Variants in KCNMA1 observed in about 807,000 individuals in gnomAD.
The protein encoded by KCNMA1 is potassium calcium-activated channel subfamily M alpha 1, also known as Calcium-activated potassium channel subunit alpha-1.
Under a neutral mutation model 140.0 loss-of-function variants are expected in KCNMA1, and 29 were observed. The ratio of observed to expected loss-of-function variants is 0.21; its 90% confidence interval spans 0.15 to 0.28. KCNMA1 has a LOEUF of 0.28. Among genes scored for constraint, KCNMA1 ranks in the 10% least tolerant of loss-of-function variants. KCNMA1 has a pLI of 1.00. For missense variants in KCNMA1, 880 were observed against 1,602.2 expected, an observed-to-expected ratio of 0.55 and a Z score of 7.70; for synonymous variants, 612 against 611.9, an observed-to-expected ratio of 1.00 and a Z score of 0.00.
At chr10:77,348,659 C>A (rs2092502914) in intron 2 of KCNMA1, among the ~76,000 whole-genome samples, 1 of 152,174 alleles carries the variant, frequency 6.6e-6, no homozygotes, top group Admixed American at 6.5e-5. Context: ...CCCACAGGAT[C>A]CAGAAATATA....
At chr10:77,474,933 C>T (rs551445284) in intron 1 of KCNMA1, among the ~76,000 whole-genome samples, 1 of 152,220 alleles carries the variant, frequency 6.6e-6, no homozygotes, top group Non-Finnish European at 1.5e-5. Flanking sequence ...CAATTTTGCC[C>T]CTGGGTAGCA....
intron 2 of KCNMA1, among the ~76,000 whole-genome samples, chr10:77,358,679 A>C (rs2093696548): frequency 6.6e-6 from 1 of 152,194 alleles, no homozygotes; most frequent in Non-Finnish European, 1.5e-5. Context: ...TCTCCAAAAC[A>C]AGTCCACAAA....
chr10:77,536,585 C>T (rs1040263050), intron 1 of KCNMA1, among the ~76,000 whole-genome samples: 18 of 152,118 alleles, frequency 1.2e-4, no homozygotes, highest in African/African-American at 4.3e-4. Context: ...TGACTGCCTC[C>T]CCCAGGTAGA....
chr10:77,380,826 C>T (rs984336159), intron 2 of KCNMA1, among the ~76,000 whole-genome samples: 1 of 152,222 alleles, frequency 6.6e-6, no homozygotes, highest in Non-Finnish European at 1.5e-5. Flanking sequence ...AATGATGCCC[C>T]AAGCATCCAG....
intron 2 of KCNMA1, among the ~76,000 whole-genome samples, chr10:77,287,155 T>C (rs921018183): frequency 6.6e-6 from 1 of 152,190 alleles, no homozygotes; most frequent in Admixed American, 6.5e-5. Context: ...GCATCAGGGT[T>C]TGCACTGCTC....
At position 77,108,657 on chromosome 10, in the gene KCNMA1, T is replaced by C; in HGVS notation, c.1132-85A>G. 1 of 984,066 alleles carries C rather than the reference T, an allele frequency of 1.0e-6. No homozygotes were observed. The highest frequency in any genetic ancestry group is 1.6e-6 in the Non-Finnish European group (1 of 617,572). 61.0% of individuals were successfully genotyped at this position (984,066 alleles called of 1,614,324 possible). ...TGTTCAGAGGGTGGGGGCACTAAGATCTGAAAACACAAAAGGATTAGGCCT... is the reference window on the plus strand; with the variant it reads ...TGTTCAGAGGGTGGGGGCACTAAGACCTGAAAACACAAAAGGATTAGGCCT... On this transcript the variant is annotated intron_variant, in intron 8 of 27. Coordinates refer to ENST00000286628, the MANE Select transcript of KCNMA1 (RefSeq NM_001161352.2). This position sits in a 1 kb window ranked among gnomAD's most constrained non-coding sequence, Gnocchi z 4.6.
chr10:76,873,968 A>G (rs2031871255), downstream of KCNMA1: 1 of 152,174 alleles, frequency 6.6e-6, no homozygotes, highest in Admixed American at 6.5e-5. Context: ...GGAAAATGGC[A>G]GGAATTTGGG....
chr10:77,076,455 A>G (rs2096400405), intron 13 of KCNMA1, among the ~76,000 whole-genome samples: 1 of 152,216 alleles, frequency 6.6e-6, no homozygotes, highest in African/African-American at 2.4e-5. Context: ...ATTAAAAGAT[A>G]CACTTTGGAG....
At chr10:77,476,968 G>A (rs775685354) in intron 1 of KCNMA1, among the ~76,000 whole-genome samples, 1 of 152,218 alleles carries the variant, frequency 6.6e-6, no homozygotes, top group Admixed American at 6.5e-5. Context: ...AGAATTCATA[G>A]TAGCACATAC....
intron 2 of KCNMA1, among the ~76,000 whole-genome samples, chr10:77,352,650 T>G (rs658038): frequency 0.13 from 18,402 of 136,928 alleles, 1,415 homozygotes; most frequent in Admixed American, 0.19. Context: ...GTGTGTGTGT[T>G]TGTGTGTGTG....
At chr10:77,342,635 G>C (rs1288747240) in intron 2 of KCNMA1, among the ~76,000 whole-genome samples, 1 of 152,142 alleles carries the variant, frequency 6.6e-6, no homozygotes, top group Non-Finnish European at 1.5e-5. Context: ...GCTTCTCCTT[G>C]GTCTTACAAA....
chr10:77,213,005 T>C (rs75720606), intron 3 of KCNMA1, among the ~76,000 whole-genome samples: 2,565 of 152,290 alleles, frequency 0.017, 66 homozygotes, highest in African/African-American at 0.058. Flanking sequence ...GACGTATGCA[T>C]AGTTCTGGAT....
intron 23 of KCNMA1, among the ~76,000 whole-genome samples, chr10:76,915,996 A>G (rs1024878060): frequency 1.8e-4 from 27 of 151,036 alleles, no homozygotes; most frequent in Admixed American, 8.6e-4. Flanking sequence ...ATTTCTCCCT[A>G]TGTGAGATTT....
chr10:77,016,686 C>T (rs2092107524), intron 17 of KCNMA1, among the ~76,000 whole-genome samples: 1 of 152,074 alleles, frequency 6.6e-6, no homozygotes, highest in Non-Finnish European at 1.5e-5. Context: ...GTCTATGTTC[C>T]AACGTTATTT....
At chr10:77,314,748 C>T (rs750134594) in intron 2 of KCNMA1, among the ~76,000 whole-genome samples, 4 of 152,112 alleles carry the variant, frequency 2.6e-5, no homozygotes, top group Non-Finnish European at 4.4e-5. Context: ...CCTAAAAGCT[C>T]TCACATTATC....
chr10:77,366,923 C>T (rs912685896), intron 2 of KCNMA1, among the ~76,000 whole-genome samples: 1 of 152,202 alleles, frequency 6.6e-6, no homozygotes, highest in East Asian at 1.9e-4. Flanking sequence ...AGTTTGTCTT[C>T]ATTCTGTAAG....
intron 1 of KCNMA1, among the ~76,000 whole-genome samples, chr10:77,579,023 TTC>T (rs1217638007): frequency 6.6e-6 from 1 of 152,012 alleles, no homozygotes; most frequent in Non-Finnish European, 1.5e-5. Flanking sequence ...GTCGTTGGGC[TTC>T]TGTTTTTCCT....
At chr10:76,969,094 A>G (rs2075086638) in intron 20 of KCNMA1, among the ~76,000 whole-genome samples, 1 of 152,122 alleles carries the variant, frequency 6.6e-6, no homozygotes, top group South Asian at 2.1e-4. Context: ...TCGGAGGAAA[A>G]AAATGCTGGG....
intron 2 of KCNMA1, among the ~76,000 whole-genome samples, chr10:77,292,729 T>C (rs1043431570): frequency 2.6e-5 from 4 of 152,220 alleles, no homozygotes; most frequent in Non-Finnish European, 4.4e-5. Flanking sequence ...AATAGTTCCC[T>C]ACATTAAATA....
Sources: gnomAD v4.1 joint callset for allele counts (sites outside exome capture counted in the v4.1 genomes callset) on GRCh38, gnomAD v4.1.1 for gene constraint, Gnocchi (gnomAD v3.1) non-coding constraint, MANE v1.5 for transcripts, NCBI Gene and HGNC (gene_info 2026-07-23, HGNC 2026-07-21) for gene names.